The following FUT8 variants were observed in gnomAD, a reference collection of about 807,000 sequenced individuals.
FUT8 encodes fucosyltransferase 8.
Under a neutral mutation model 71.3 loss-of-function variants are expected in FUT8, and 29 were observed. That is an observed-to-expected ratio of 0.41 (90% CI 0.30 to 0.55). The LOEUF (loss-of-function observed/expected upper bound fraction) is 0.55. FUT8 is among the 20% of genes least tolerant of loss of function. FUT8 has a pLI of 0.34. For synonymous variants in FUT8, 254 were observed against 239.3 expected (o/e 1.06, Z -0.57); for missense variants, 544 against 702.1 (o/e 0.77, Z 2.55).
chr14:65,694,302 C>T (rs1893869721), intron 7 of FUT8, among the ~76,000 whole-genome samples: 1 of 152,116 alleles, frequency 6.6e-6, no homozygotes, highest in Admixed American at 6.5e-5. Flanking sequence ...GTATTCAGTG[C>T]TGCGAATATA....
upstream of FUT8, among the ~76,000 whole-genome samples, chr14:65,408,694 G>A (rs1018651488): frequency 5.9e-5 from 9 of 152,246 alleles, no homozygotes; most frequent in African/African-American, 1.9e-4. Context: ...ATGGAGGCAA[G>A]TCATAGGGAG....
chr14:65,371,301 A>G, the FUT8 span, among the ~76,000 whole-genome samples: 1 of 152,230 alleles, frequency 6.6e-6, no homozygotes, highest in Non-Finnish European at 1.5e-5. Flanking sequence ...CACCCTACAA[A>G]TTTTAATGTA....
rs1259226435 is a variant in FUT8 at position 65,547,300 on chromosome 14, T to A, written c.-227-14037T>A. 2.0e-5 allele frequency among the ~76,000 whole-genome samples: 3 copies of A among 151,760 alleles called. No individual in the cohort carries two copies. In the East Asian group the frequency reaches 5.8e-4, roughly 29 times the overall value. On this transcript the variant is annotated intron_variant, in intron 2 of 10. Transcript: ENST00000673929. ...CGTATTTCACCAAACTTTCAAATACTTTTATACCTCTTGAGGTATAATATA... is the reference window on the plus strand; with the variant it reads ...CGTATTTCACCAAACTTTCAAATACATTTATACCTCTTGAGGTATAATATA...
intron 1 of FUT8, among the ~76,000 whole-genome samples, chr14:65,427,521 G>A (rs1407954178): frequency 2.0e-5 from 3 of 152,058 alleles, no homozygotes; most frequent in African/African-American, 7.2e-5. Flanking sequence ...TTGCATTTTT[G>A]TGATGGTTCA....
At chr14:65,691,927 T>G (rs897930082) in intron 7 of FUT8, among the ~76,000 whole-genome samples, 1 of 152,222 alleles carries the variant, frequency 6.6e-6, no homozygotes, top group Admixed American at 6.5e-5. Context: ...GGTAAGGTCA[T>G]AGATCAACAG....
rs2066749208 is a variant in FUT8, at chr14:65,507,177, G to T, written c.-228+51459G>T. Among the ~76,000 whole-genome samples the T allele has an allele frequency of 2.0e-5, 3 of 152,186 alleles. No homozygotes were observed. The South Asian group carries it at 6.2e-4, about 32-fold the overall frequency. ...TAAGATTATATGAGTAAACAAGCTA[G>T]CTAGGTAAACTACTCTGCCTTCCTT... On this transcript the variant is annotated intron_variant, in intron 2 of 10. Coordinates refer to ENST00000673929, the MANE Select transcript of FUT8 (RefSeq NM_001371533.1).
At chr14:65,573,577 G>A (rs1371090876) in intron 3 of FUT8, among the ~76,000 whole-genome samples, 3 of 151,928 alleles carry the variant, frequency 2.0e-5, no homozygotes, top group Admixed American at 6.6e-5. Flanking sequence ...GGGGGTCCAC[G>A]TTGGATGCAG....
intron 1 of FUT8, among the ~76,000 whole-genome samples, chr14:65,434,422 ATTGT>A (rs1432182063): frequency 1.1e-4 from 16 of 152,362 alleles, no homozygotes; most frequent in African/African-American, 3.6e-4. Context: ...ACTGTGGGGA[ATTGT>A]CGTTGACATT....
chr14:65,647,378 A>C (rs1891169785), intron 6 of FUT8, among the ~76,000 whole-genome samples: 1 of 152,202 alleles, frequency 6.6e-6, no homozygotes, highest in East Asian at 1.9e-4. Flanking sequence ...CTTATGATGC[A>C]GGTGTTGTAA....
At chr14:65,719,527 T>C (rs1262510912) in intron 7 of FUT8, among the ~76,000 whole-genome samples, 1 of 152,158 alleles carries the variant, frequency 6.6e-6, no homozygotes, top group Non-Finnish European at 1.5e-5. Flanking sequence ...TGTTCATTGG[T>C]GTCTGGGCAT....
intron 2 of FUT8, among the ~76,000 whole-genome samples, chr14:65,527,682 A>G (rs1399899626): frequency 6.6e-6 from 1 of 151,882 alleles, no homozygotes; most frequent in African/African-American, 2.4e-5. Context: ...TTGTGGTTTT[A>G]TCTACCTTTG....
chr14:65,598,778 T>C lies in FUT8; in HGVS notation c.204-17200T>C, dbSNP rs147544461. Among the ~76,000 whole-genome samples the C allele has an allele frequency of 1.6e-3, 243 of 152,302 alleles. 2 individuals are homozygous for C. Among genetic ancestry groups the C allele is most frequent in the Middle Eastern group, 0.01 (3 of 294 alleles). On this transcript the variant is annotated intron_variant, in intron 3 of 10. Coordinates refer to ENST00000673929, the MANE Select transcript of FUT8 (RefSeq NM_001371533.1). ...GTTAAGTAAAAATTTACAAATACTT[T>C]GATGGTTCTTGGAACATATTTTTTT...
intron 3 of FUT8, among the ~76,000 whole-genome samples, chr14:65,612,915 G>A (rs185521790): frequency 1.2e-3 from 180 of 152,276 alleles, no homozygotes; most frequent in Non-Finnish European, 2.0e-3. Flanking sequence ...ATGTAAGAAA[G>A]CATTCTGTTC....
At chr14:65,512,656 A>G (rs561500641) in intron 2 of FUT8, among the ~76,000 whole-genome samples, 4 of 152,148 alleles carry the variant, frequency 2.6e-5, no homozygotes, top group Admixed American at 2.0e-4. Context: ...CATGCCTGTA[A>G]TCCCAGCACT....
chr14:65,492,269 T>TGC (rs1413861697), intron 2 of FUT8, among the ~76,000 whole-genome samples: 17 of 152,200 alleles, frequency 1.1e-4, no homozygotes, highest in Admixed American at 2.6e-4. Flanking sequence ...AAAGCTGCCT[T>TGC]CTTACTTCAG....
chr14:65,700,381 G>GTTTTTTTTTTTTTTT (rs763718984), intron 7 of FUT8, among the ~76,000 whole-genome samples: 3 of 48,848 alleles, frequency 6.1e-5, no homozygotes, highest in African/African-American at 8.5e-5. Context: ...CTTTCTTTCT[G>GTTTTTTTTTTTTTTT]TTTTTTTTTT....
chr14:65,633,856 C>A (rs932038669), intron 6 of FUT8, among the ~76,000 whole-genome samples: 1 of 151,486 alleles, frequency 6.6e-6, no homozygotes, highest in African/African-American at 2.4e-5. Context: ...GGTGGGGGGT[C>A]AGCCCCCACT....
rs529880608 is a variant in FUT8 at position 65,711,305 on chromosome 14, C to G, written c.836-10470C>G. Among the ~76,000 whole-genome samples the G allele has an allele frequency of 1.1e-4, 16 of 152,228 alleles. 1 individual carries two copies. The South Asian group carries it at 3.3e-3, about 32-fold the overall frequency. ...GAGCAATCTGTAAGGAAACTGAGGC[C>G]TTGGGTTAATCAGAAGATAACACTT... On this transcript the variant is annotated intron_variant, in intron 7 of 10. Coordinates refer to ENST00000673929, the MANE Select transcript of FUT8 (RefSeq NM_001371533.1).
At chr14:65,378,557 A>G in the FUT8 span, among the ~76,000 whole-genome samples, 3 of 152,220 alleles carry the variant, frequency 2.0e-5, no homozygotes, top group South Asian at 6.2e-4. Context: ...GATGTCACCC[A>G]TAAAGTCTTC....
Sources: allele counts gnomAD v4.1 joint callset (sites outside exome capture counted in the v4.1 genomes callset), GRCh38; gene constraint gnomAD v4.1.1; transcripts MANE v1.5; gene names NCBI Gene and HGNC (gene_info 2026-07-23, HGNC 2026-07-21).